LRRC4C: variants seen among roughly 807,000 people sequenced by gnomAD.
LRRC4C encodes leucine rich repeat containing 4C.
In LRRC4C, 5 loss-of-function variants were observed where a neutral mutation model predicts 33.6. That is an observed-to-expected ratio of 0.15 (90% CI 0.08 to 0.31). The LOEUF (loss-of-function observed/expected upper bound fraction) is 0.31. Ranked by LOEUF, LRRC4C falls within the 10% of genes least tolerant of loss-of-function variation. LRRC4C has a pLI of 1.00. For missense variants in LRRC4C, 560 were observed against 796.7 expected (o/e 0.70, Z 3.58); for synonymous variants, 329 against 302.0 (o/e 1.09, Z -0.93).
At chr11:40,878,664 C>T (rs61886609) in intron 2 of LRRC4C, among the ~76,000 whole-genome samples, 5,706 of 152,094 alleles carry the variant, frequency 0.038, 141 homozygotes, top group African/African-American at 0.068. Context: ...GTGTTTTGGC[C>T]CAGGGGTTGG....
chr11:41,278,450 A>C (rs1255723138), intron 1 of LRRC4C, among the ~76,000 whole-genome samples: 1 of 152,342 alleles, frequency 6.6e-6, no homozygotes, highest in Non-Finnish European at 1.5e-5. Context: ...GTGAGGACTT[A>C]CTGTATACTT....
At chr11:41,065,881 G>C (rs560393891) in intron 1 of LRRC4C, among the ~76,000 whole-genome samples, 2 of 152,092 alleles carry the variant, frequency 1.3e-5, no homozygotes, top group Non-Finnish European at 1.5e-5. Context: ...CAACAAAAAA[G>C]CTTCCTCCAC....
intron 1 of LRRC4C, among the ~76,000 whole-genome samples, chr11:41,442,430 C>T (rs1467127463): frequency 6.8e-6 from 1 of 147,928 alleles, no homozygotes; most frequent in Non-Finnish European, 1.5e-5. Flanking sequence ...TAATTCAAGA[C>T]ACAGTTCTCT....
At chr11:40,163,005 C>T (rs949962744) in intron 5 of LRRC4C, among the ~76,000 whole-genome samples, 6 of 152,112 alleles carry the variant, frequency 3.9e-5, no homozygotes, top group African/African-American at 1.2e-4. Flanking sequence ...TCTCTTTTGT[C>T]TCTTATCTTC....
At chr11:40,258,418 C>T (rs1177745032) in intron 4 of LRRC4C, among the ~76,000 whole-genome samples, 1 of 152,122 alleles carries the variant, frequency 6.6e-6, no homozygotes, top group African/African-American at 2.4e-5. Flanking sequence ...CATTCTAATT[C>T]TATGTATATT....
chr11:41,304,107 G>A (rs1366717805), intron 1 of LRRC4C, among the ~76,000 whole-genome samples: 4 of 72,102 alleles, frequency 5.5e-5, no homozygotes, highest in African/African-American at 7.0e-5. Flanking sequence ...GCCTCTGCCC[G>A]GCCGCCCCTA....
chr11:40,259,777 GT>G (rs773641715), intron 4 of LRRC4C, among the ~76,000 whole-genome samples: 2 of 152,068 alleles, frequency 1.3e-5, no homozygotes, highest in South Asian at 2.1e-4. Context: ...CTATATCTCT[GT>G]TTTGGTACCA....
At chr11:40,987,530 G>T (rs1399158052) in intron 1 of LRRC4C, among the ~76,000 whole-genome samples, 1 of 150,198 alleles carries the variant, frequency 6.7e-6, no homozygotes, top group African/African-American at 2.5e-5. Flanking sequence ...TTCCCCCAGG[G>T]GTTTCCAAAT....
chr11:40,197,794 A>C (rs1862385942), intron 5 of LRRC4C, among the ~76,000 whole-genome samples: 1 of 152,216 alleles, frequency 6.6e-6, no homozygotes, highest in Non-Finnish European at 1.5e-5. Flanking sequence ...TCAGGGGAAC[A>C]AAAGCAATTT....
chr11:41,366,223 TAGATA>T (rs1201225692), intron 1 of LRRC4C, among the ~76,000 whole-genome samples: 2 of 146,676 alleles, frequency 1.4e-5, no homozygotes, highest in Non-Finnish European at 2.9e-5. Context: ...GATAGATAGA[TAGATA>T]GATAGATAGA....
chr11:41,235,835 C>T (rs536723372), intron 1 of LRRC4C, among the ~76,000 whole-genome samples: 10 of 152,156 alleles, frequency 6.6e-5, no homozygotes, highest in Admixed American at 2.0e-4. Flanking sequence ...ATTCAAGTGG[C>T]ATCTTTTATA....
intron 1 of LRRC4C, among the ~76,000 whole-genome samples, chr11:41,043,169 G>C (rs1258412966): frequency 7.0e-6 from 1 of 143,406 alleles, no homozygotes; most frequent in Non-Finnish European, 1.5e-5. Flanking sequence ...TTCCAGCAGT[G>C]CCTACAATGG....
intron 3 of LRRC4C, among the ~76,000 whole-genome samples, chr11:40,390,872 T>G (rs1002998081): frequency 6.6e-6 from 1 of 152,062 alleles, no homozygotes; most frequent in African/African-American, 2.4e-5. Flanking sequence ...TCTTTTCCTT[T>G]TTTTGTTTTG....
intron 1 of LRRC4C, among the ~76,000 whole-genome samples, chr11:41,118,290 G>A (rs1942244805): frequency 6.6e-6 from 1 of 152,100 alleles, no homozygotes. Flanking sequence ...ACATTATGAG[G>A]ACAATTTATT....
rs1012008273 is a variant in LRRC4C at position 40,415,168 on chromosome 11, C to A, written c.-269-95447G>T. Among the ~76,000 whole-genome samples the A allele has an allele frequency of 3.3e-5, 5 of 152,166 alleles. No homozygotes were observed. The East Asian group carries it at 9.7e-4, about 29-fold the overall frequency. On this transcript the variant is annotated intron_variant, in intron 3 of 6. Coordinates refer to ENST00000528697, the MANE Select transcript of LRRC4C (RefSeq NM_001258419.2). ...TAATTATGGAGGCATATGTTAAACA[C>A]CTTTATGCATATATAATTACAATAT... is the stretch of plus-strand genomic sequence containing the variant.
At chr11:40,535,229 A>G (rs1956422872) in intron 3 of LRRC4C, among the ~76,000 whole-genome samples, 1 of 152,172 alleles carries the variant, frequency 6.6e-6, no homozygotes, top group Admixed American at 6.5e-5. Flanking sequence ...AGACTTCGAA[A>G]ATAGGTTCTG....
chr11:41,021,400 A>G (rs926225925), intron 1 of LRRC4C, among the ~76,000 whole-genome samples: 1 of 152,064 alleles, frequency 6.6e-6, no homozygotes, highest in Non-Finnish European at 1.5e-5. Context: ...CAAGAACAAA[A>G]TTAACAAAAA....
At chr11:40,183,464 C>A (rs549693860) in intron 5 of LRRC4C, among the ~76,000 whole-genome samples, 1 of 152,276 alleles carries the variant, frequency 6.6e-6, no homozygotes, top group South Asian at 2.1e-4. Flanking sequence ...CTGTAACAGT[C>A]ACCTCACAGA....
intron 3 of LRRC4C, among the ~76,000 whole-genome samples, chr11:40,337,979 TG>T (rs1448435168): frequency 1.3e-5 from 2 of 152,326 alleles, no homozygotes; most frequent in African/African-American, 4.8e-5. Flanking sequence ...TCCCTAGATA[TG>T]CCCTACAACT....
Sources: allele counts gnomAD v4.1 joint callset (sites outside exome capture counted in the v4.1 genomes callset), GRCh38; gene constraint gnomAD v4.1.1; transcripts MANE v1.5; gene names NCBI Gene and HGNC (gene_info 2026-07-23, HGNC 2026-07-21).